The following FRAS1 variants were observed in gnomAD, a reference collection of about 807,000 sequenced individuals.
The protein encoded by FRAS1 is Fraser extracellular matrix complex subunit 1.
FRAS1 carries 290 observed loss-of-function variants against 435.2 expected under a neutral mutation model. The ratio of observed to expected loss-of-function variants is 0.67; its 90% CI spans 0.61 to 0.73. The LOEUF (loss-of-function observed/expected upper bound fraction) is 0.73, where lower values mean the gene tolerates loss of function less well. FRAS1 is among the 30% of genes least tolerant of loss of function. The probability of loss-of-function intolerance (pLI) is 0.00; values close to 1 mark genes in which losing one functional copy is unlikely to be tolerated. For synonymous variants in FRAS1, 1,800 were observed against 1,851.0 expected (o/e 0.97, Z 0.71); for missense variants, 4,860 against 5,001.5 (o/e 0.97, Z 0.85).
At chr4:78,222,448 C>G (rs561315041) in intron 2 of FRAS1, among the ~76,000 whole-genome samples, 1 of 152,296 alleles carries the variant, frequency 6.6e-6, no homozygotes, top group East Asian at 1.9e-4. Context: ...ACAGCGACTT[C>G]TCCGTAAATG....
intron 2 of FRAS1, among the ~76,000 whole-genome samples, chr4:78,100,757 T>C (rs1742083287): frequency 6.6e-6 from 1 of 152,234 alleles, no homozygotes; most frequent in Non-Finnish European, 1.5e-5. Flanking sequence ...TGTGTGTGCG[T>C]GTGTGTATTA....
At chr4:78,539,210 CT>C (rs1721975121) in intron 72 of FRAS1, 83 bp from the exon 73 acceptor site, 1 of 1,381,768 alleles carries the variant, frequency 7.2e-7, no homozygotes, top group East Asian at 2.3e-5. Flanking sequence ...GTGATGAGTA[CT>C]TTTCTCCTCC....
chr4:78,397,893 GT>G (rs1321563870), intron 29 of FRAS1, among the ~76,000 whole-genome samples: 5 of 152,148 alleles, frequency 3.3e-5, no homozygotes, highest in African/African-American at 1.2e-4. Context: ...TGAGTTGTGC[GT>G]ACTTGGAGGA....
At chr4:78,439,142 G>C (rs374906040) in intron 40 of FRAS1, 78 bp downstream of exon 40, 1 of 1,258,190 alleles carries the variant, frequency 7.9e-7, no homozygotes, top group African/African-American at 1.5e-5. Flanking sequence ...AAGGATTTCT[G>C]CCTAAATTGG....
chr4:78,277,143 C>T (rs1727086054), intron 9 of FRAS1, among the ~76,000 whole-genome samples: 1 of 152,172 alleles, frequency 6.6e-6, no homozygotes, highest in Non-Finnish European at 1.5e-5. Flanking sequence ...CCTGGTGTGC[C>T]ATTTGCTAAG....
chr4:78,510,004 A>G (rs1408367933), intron 63 of FRAS1, among the ~76,000 whole-genome samples: 1 of 152,220 alleles, frequency 6.6e-6, no homozygotes, highest in Non-Finnish European at 1.5e-5. Context: ...GGCTTTGGAT[A>G]ATGCAGGGTC....
chr4:78,162,881 T>C (rs1331042027), intron 2 of FRAS1, among the ~76,000 whole-genome samples: 1 of 152,218 alleles, frequency 6.6e-6, no homozygotes, highest in African/African-American at 2.4e-5. Context: ...GGGAAAACAA[T>C]AAGGTGGAAT....
At chr4:78,146,520 A>C in intron 2 of FRAS1, among the ~76,000 whole-genome samples, 1 of 150,914 alleles carries the variant, frequency 6.6e-6, no homozygotes, top group South Asian at 2.1e-4. Context: ...ATTATACCCC[A>C]AAACATAGCG....
chr4:78,496,930 G>T lies in FRAS1; in HGVS notation c.9084G>T (p.Met3028Ile). Reference sequence around the variant, plus strand: ...GAGCTAGAATTGGAAAGAATAACATGGCCACCATCACCATATCCAATGATG... The same window carrying T: ...GAGCTAGAATTGGAAAGAATAACATTGCCACCATCACCATATCCAATGATG... Reference protein sequence around the residue: ...WSGARIGKNNMATITISNDED... With the variant: ...WSGARIGKNNIATITISNDED... Residue 3028 changes from methionine (M) to isoleucine (I), a missense_variant, in exon 60 of 74, where the codon ATG becomes ATT. Met to Ile is a conservative substitution (Grantham distance 10). Transcript: ENST00000512123. The T allele has an allele frequency of 6.2e-7, 1 of 1,613,434 alleles. No individual in the cohort carries two copies. Among genetic ancestry groups the T allele is most frequent in the Non-Finnish European group, 8.5e-7 (1 of 1,179,590 alleles).
At chr4:78,496,658 A>AT (rs1307100209) in intron 59 of FRAS1, 147 bp from the exon 60 acceptor site, 1 of 796,848 alleles carries the variant, frequency 1.3e-6, no homozygotes, top group Non-Finnish European at 2.0e-6. Context: ...AAATTTGAAC[A>AT]TTTTGTTTTA....
chr4:78,517,113 G>A (rs535303121), intron 66 of FRAS1, among the ~76,000 whole-genome samples: 91 of 152,278 alleles, frequency 6.0e-4, no homozygotes, highest in Middle Eastern at 6.8e-3. Context: ...TTCAAATCAG[G>A]TTTATCCTCA....
Position 78,282,887 on chromosome 4 carries a change from A to G in FRAS1, c.1175A>G (p.Tyr392Cys), listed in dbSNP as rs1403974186. The G allele has an allele frequency of 6.2e-7, 1 of 1,612,646 alleles. No homozygotes were observed. The highest frequency in any genetic ancestry group is 8.5e-7 in the Non-Finnish European group (1 of 1,179,552). The change falls in exon 12 of 74, where the codon TAC becomes TGC. Residue 392 changes from tyrosine to cysteine, a missense_variant. Tyr to Cys is a radical substitution (Grantham distance 194). Coordinates refer to ENST00000512123, the MANE Select transcript of FRAS1 (RefSeq NM_025074.7). ...CECRGAQVTC[Y>C]EPSCPPCPVG... is the part of the protein sequence containing the mutation. Reference sequence around the variant, plus strand: ...TGCCGAGGGGCTCAGGTAACTTGCTACGAGCCCTCTTGCCCACCATGTCCA... The same window carrying G: ...TGCCGAGGGGCTCAGGTAACTTGCTGCGAGCCCTCTTGCCCACCATGTCCA...
intron 2 of FRAS1, among the ~76,000 whole-genome samples, chr4:78,136,684 G>A (rs1389726786): frequency 6.6e-6 from 1 of 152,212 alleles, no homozygotes; most frequent in Admixed American, 6.5e-5. Flanking sequence ...CAGAGCAGAT[G>A]TTTGAGCCAG....
intron 60 of FRAS1, among the ~76,000 whole-genome samples, chr4:78,499,191 T>C (rs982031412): frequency 2.6e-5 from 4 of 152,042 alleles, no homozygotes; most frequent in Admixed American, 6.6e-5. Context: ...TAAGAAAAGC[T>C]GAGGATGGGG....
At chr4:78,135,216 C>T (rs754755087) in intron 2 of FRAS1, among the ~76,000 whole-genome samples, 5 of 152,128 alleles carry the variant, frequency 3.3e-5, no homozygotes, top group African/African-American at 7.2e-5. Flanking sequence ...AAACTCTTGC[C>T]GTCATAGTCA....
intron 2 of FRAS1, among the ~76,000 whole-genome samples, chr4:78,151,975 C>T (rs1038846920): frequency 6.6e-6 from 1 of 152,168 alleles, no homozygotes; most frequent in African/African-American, 2.4e-5. Flanking sequence ...CGTGCCTTTG[C>T]TTTCTTTTGC....
At position 78,539,147 on chromosome 4, in the gene FRAS1, T is replaced by G. The variant is rs1439524863; in HGVS notation, c.11299-147T>G. ...CAAACCATATCAGGCAGCCACTGACTTATGGAGAGGGCTTCACAGCACATA... is the reference window on the plus strand; with the variant it reads ...CAAACCATATCAGGCAGCCACTGACGTATGGAGAGGGCTTCACAGCACATA... On this transcript the variant is annotated intron_variant, in intron 72 of 73. Transcript: ENST00000512123. 6 of 673,104 alleles carry G rather than the reference T, an allele frequency of 8.9e-6. No homozygotes were observed. The Admixed American group carries it at 2.0e-4, about 23-fold the overall frequency. 41.7% of individuals were successfully genotyped at this position (673,104 alleles called of 1,614,324 possible).
chr4:78,116,971 G>A (rs1743235075), intron 2 of FRAS1, among the ~76,000 whole-genome samples: 1 of 152,202 alleles, frequency 6.6e-6, no homozygotes, highest in South Asian at 2.1e-4. Flanking sequence ...GGTCTTACCA[G>A]TTGTTCCTTT....
intron 4 of FRAS1, among the ~76,000 whole-genome samples, chr4:78,251,355 G>A (rs2867012): frequency 0.34 from 51,615 of 152,074 alleles, 9,112 homozygotes; most frequent in South Asian, 0.59. Flanking sequence ...AATAGAAATG[G>A]GAGAAGTTTG....
Sources: allele counts gnomAD v4.1 joint callset (sites outside exome capture counted in the v4.1 genomes callset), GRCh38; gene constraint gnomAD v4.1.1; transcripts MANE v1.5; gene names NCBI Gene and HGNC (gene_info 2026-07-23, HGNC 2026-07-21).